Variants in GFRAL observed in about 807,000 individuals in gnomAD.
GFRAL encodes GDNF family receptor alpha like, also known as GDNF family receptor alpha-like.
GFRAL carries 36 observed loss-of-function variants against 45.4 expected under a neutral mutation model. The observed-to-expected ratio is 0.79, with a 90% CI of 0.61 to 1.05. The LOEUF (loss-of-function observed/expected upper bound fraction) is 1.05, where lower values mean the gene tolerates loss of function less well. Ranked by LOEUF, GFRAL falls within the 50% of genes least tolerant of loss-of-function variation. The probability of loss-of-function intolerance (pLI) is 0.00; values close to 1 mark genes in which losing one functional copy is unlikely to be tolerated. For synonymous variants in GFRAL, 166 were observed against 154.1 expected (o/e 1.08, Z -0.57); for missense variants, 507 against 467.5 (o/e 1.08, Z -0.78).
intron 4 of GFRAL, 86 bp from the exon 5 acceptor site, chr6:55,351,167 C>T (rs751869505): frequency 2.1e-6 from 2 of 935,590 alleles, no homozygotes; most frequent in Non-Finnish European, 3.3e-6. Context: ...GTATTTTGCT[C>T]ATAGACTTCT....
intron 3 of GFRAL, among the ~76,000 whole-genome samples, chr6:55,345,764 A>G (rs1768032948): frequency 6.6e-6 from 1 of 152,224 alleles, no homozygotes; most frequent in South Asian, 2.1e-4. Context: ...GGCAACCTAC[A>G]GAATGGGAGA....
rs1453343579 is a variant in GFRAL, at chr6:55,401,919, TCTCTC to T, written c.*82_*86del. The stretch of plus-strand genomic sequence containing the variant: ...CTGCTTTTCTTCTTTCCTCTTTTCT[TCTCTC>T]CTCTCCTCTCCTCTCTTCTCCTCTC... On this transcript the variant is annotated 3_prime_UTR_variant, in exon 9 of 9. Coordinates refer to ENST00000340465, the MANE Select transcript of GFRAL (RefSeq NM_207410.2). 14 of 806,308 alleles carry T rather than the reference TCTCTC, an allele frequency of 1.7e-5. No individual in the cohort carries two copies. The highest frequency in any genetic ancestry group is 3.4e-5 in the African/African-American group (2 of 58,574). 49.9% of individuals were successfully genotyped at this position (806,308 alleles called of 1,614,324 possible).
chr6:55,354,311 A>C (rs1414846542), intron 5 of GFRAL, among the ~76,000 whole-genome samples: 1 of 152,034 alleles, frequency 6.6e-6, no homozygotes. Context: ...TTTCCTCAAC[A>C]AGGACCCCCA....
intron 3 of GFRAL, among the ~76,000 whole-genome samples, chr6:55,345,804 G>A (rs879380913): frequency 6.6e-6 from 1 of 152,132 alleles, no homozygotes; most frequent in African/African-American, 2.4e-5. Flanking sequence ...ATCTGACAAA[G>A]GGGTACTACC....
intron 5 of GFRAL, among the ~76,000 whole-genome samples, chr6:55,355,501 A>T (rs1221006838): frequency 6.6e-6 from 1 of 152,026 alleles, no homozygotes; most frequent in Non-Finnish European, 1.5e-5. Context: ...AAATGGGACT[A>T]CTTTGAAGAT....
intron 6 of GFRAL, among the ~76,000 whole-genome samples, chr6:55,393,467 C>A (rs1457213373): frequency 2.0e-5 from 3 of 152,108 alleles, no homozygotes; most frequent in African/African-American, 7.2e-5. Flanking sequence ...TAGAGAATGA[C>A]AGATGGTTCT....
chr6:55,331,854 A>G lies in GFRAL; in HGVS notation c.157+5A>G, dbSNP rs1250390942. The G allele has an allele frequency of 9.3e-6, 15 of 1,605,758 alleles. No individual in the cohort carries two copies. In the African/African-American group the frequency reaches 1.1e-4, roughly 11 times the overall value. On this transcript the variant is annotated splice_donor_5th_base_variant and intron_variant, in intron 2 of 8. Transcript: ENST00000340465. ...AAGATGCCTGCAATGATTCAGGTAA[A>G]CAAGTTGCTAAAAATACACTCAAAT...
intron 3 of GFRAL, among the ~76,000 whole-genome samples, chr6:55,342,148 C>T (rs1308641092): frequency 6.6e-6 from 1 of 152,156 alleles, no homozygotes; most frequent in African/African-American, 2.4e-5. Flanking sequence ...GGCAGACCAA[C>T]ATTCAAATTC....
At chr6:55,359,365 C>T (rs1378832878) in intron 6 of GFRAL, among the ~76,000 whole-genome samples, 1 of 106,924 alleles carries the variant, frequency 9.4e-6, no homozygotes, top group Non-Finnish European at 1.9e-5. Flanking sequence ...ATAGGTCACT[C>T]TTAATTATCA....
intron 6 of GFRAL, among the ~76,000 whole-genome samples, chr6:55,370,716 A>T (rs956520123): frequency 3.3e-4 from 51 of 152,360 alleles, no homozygotes; most frequent in Middle Eastern, 3.4e-3. Flanking sequence ...ACGTGACAGT[A>T]GGACCAGCTT....
chr6:55,332,043 C>A (rs78845431), intron 2 of GFRAL, among the ~76,000 whole-genome samples, 194 bp downstream of exon 2: 2,189 of 152,162 alleles, frequency 0.014, 47 homozygotes, highest in African/African-American at 0.051. Context: ...TACTAAAGAG[C>A]TTTAATTACT....
At chr6:55,364,781 C>G (rs1179937119) in intron 6 of GFRAL, among the ~76,000 whole-genome samples, 2 of 151,658 alleles carry the variant, frequency 1.3e-5, no homozygotes, top group Non-Finnish European at 2.9e-5. Flanking sequence ...GGGCTCTGTT[C>G]TGTTCCATTG....
At chr6:55,346,412 A>G (rs528520598) in intron 3 of GFRAL, among the ~76,000 whole-genome samples, 3 of 152,234 alleles carry the variant, frequency 2.0e-5, no homozygotes, top group Non-Finnish European at 2.9e-5. Flanking sequence ...GAAGCTGGAA[A>G]CCATCATTCT....
At chr6:55,380,436 G>T (rs1768592870) in intron 6 of GFRAL, among the ~76,000 whole-genome samples, 1 of 151,916 alleles carries the variant, frequency 6.6e-6, no homozygotes, top group South Asian at 2.1e-4. Context: ...AGAGTGTGTT[G>T]AAAATATAGG....
intron 1 of GFRAL, among the ~76,000 whole-genome samples, chr6:55,329,778 A>G (rs1170136497): frequency 6.6e-6 from 1 of 152,100 alleles, no homozygotes; most frequent in Admixed American, 6.6e-5. Flanking sequence ...TGACCCAGCA[A>G]GTAGTACACA....
In GFRAL at chr6:55,349,595, A is replaced by T. The variant is rs540639058; in HGVS notation, c.317-497A>T. Among the ~76,000 whole-genome samples, 41 of 152,144 alleles carry T rather than the reference A, an allele frequency of 2.7e-4. No individual in the cohort carries two copies. In the Middle Eastern group the frequency reaches 0.014, roughly 50 times the overall value. On this transcript the variant is annotated intron_variant, in intron 3 of 8. Coordinates refer to ENST00000340465, the MANE Select transcript of GFRAL (RefSeq NM_207410.2). ...ATGAACACCGAGTTCATTTTCGTTGATGAGATTTTTCAATACTATAATTAT... is the reference window on the plus strand; with the variant it reads ...ATGAACACCGAGTTCATTTTCGTTGTTGAGATTTTTCAATACTATAATTAT...
chr6:55,346,441 A>G (rs144199585), intron 3 of GFRAL, among the ~76,000 whole-genome samples: 1,989 of 152,216 alleles, frequency 0.013, 23 homozygotes, highest in Non-Finnish European at 0.022. Context: ...TATCCCAAAG[A>G]CAAAAAAACC....
intron 6 of GFRAL, among the ~76,000 whole-genome samples, chr6:55,378,275 G>T (rs957279137): frequency 1.3e-5 from 2 of 152,054 alleles, no homozygotes; most frequent in African/African-American, 4.8e-5. Flanking sequence ...GGTGGGGAAG[G>T]AAGGCAAATT....
intron 3 of GFRAL, among the ~76,000 whole-genome samples, chr6:55,342,307 C>A (rs1767978473): frequency 6.6e-6 from 1 of 152,288 alleles, no homozygotes; most frequent in Non-Finnish European, 1.5e-5. Flanking sequence ...GGAGGCCCAG[C>A]AGACTAACAG....
Sources: gnomAD v4.1 joint callset for allele counts (sites outside exome capture counted in the v4.1 genomes callset) on GRCh38, gnomAD v4.1.1 for gene constraint, MANE v1.5 for transcripts, NCBI Gene and HGNC (gene_info 2026-07-23, HGNC 2026-07-21) for gene names.